Variants in SLC1A2 observed in about 807,000 individuals in gnomAD.
SLC1A2 encodes excitatory amino acid transporter 2.
SLC1A2 carries 15 observed loss-of-function variants against 48.8 expected under a neutral mutation model. The ratio of observed to expected loss-of-function variants is 0.31; its 90% CI spans 0.21 to 0.47. The LOEUF is 0.47. Among genes scored for constraint, SLC1A2 ranks in the 20% least tolerant of loss-of-function variants. SLC1A2 has a pLI of 0.99. For synonymous variants in SLC1A2, 279 were observed against 272.6 expected, an observed-to-expected ratio of 1.02 and a Z score of -0.23; for missense variants, 502 against 730.5, an observed-to-expected ratio of 0.69 and a Z score of 3.61.
chr11:35,348,227 CT>C (rs1337490962), intron 1 of SLC1A2, among the ~76,000 whole-genome samples: 1 of 152,136 alleles, frequency 6.6e-6, no homozygotes, highest in Non-Finnish European at 1.5e-5. Flanking sequence ...CCTGGGCCAT[CT>C]GTTTTTAATA....
At position 35,254,828 on chromosome 11, in the gene SLC1A2, A is replaced by G; in HGVS notation, c.*6066T>C. Reference sequence around the variant, plus strand: ...AGGGCCCTGTGTAAAAACCAGAAGGATTTTGTAAAATATCAAAATGAATAT... The same window carrying G: ...AGGGCCCTGTGTAAAAACCAGAAGGGTTTTGTAAAATATCAAAATGAATAT... On this transcript the variant is annotated 3_prime_UTR_variant, in exon 11 of 11. Coordinates refer to ENST00000278379, the MANE Select transcript of SLC1A2 (RefSeq NM_004171.4). 1 of 455,484 alleles carries G rather than the reference A, an allele frequency of 2.2e-6. No homozygotes were observed. Among genetic ancestry groups the G allele is most frequent in the Non-Finnish European group, 4.4e-6 (1 of 226,748 alleles). 28.2% of individuals were successfully genotyped at this position (455,484 alleles called of 1,614,324 possible). A position where few individuals can be genotyped will look rare whatever the true frequency, so the allele number is the denominator to read the frequency against.
chr11:35,302,943 C>T (rs1851397327), intron 5 of SLC1A2, among the ~76,000 whole-genome samples: 1 of 150,552 alleles, frequency 6.6e-6, no homozygotes, highest in Admixed American at 6.6e-5. Flanking sequence ...ATCAGTGTTG[C>T]TATGTCCTTG....
chr11:35,364,167 T>A (rs1460826862), intron 1 of SLC1A2, among the ~76,000 whole-genome samples: 1 of 152,156 alleles, frequency 6.6e-6, no homozygotes, highest in East Asian at 1.9e-4. Context: ...GGAGGTGGTG[T>A]CCAGGAGCTG....
intron 1 of SLC1A2, among the ~76,000 whole-genome samples, chr11:35,364,425 T>A (rs955727568): frequency 6.6e-6 from 1 of 152,184 alleles, no homozygotes; most frequent in Non-Finnish European, 1.5e-5. Flanking sequence ...GGGGCCTCAG[T>A]CAATAGTAAG....
At position 35,327,444 on chromosome 11, in the gene SLC1A2, C is replaced by T. The variant is rs552328866; in HGVS notation, c.18-9928G>A. 5.9e-5 allele frequency among the ~76,000 whole-genome samples: 9 copies of T among 152,238 alleles called. No homozygotes were observed. In the East Asian group the frequency reaches 1.5e-3, roughly 26 times the overall value. ...ATCTCCTTCAGATGAGGCAAAACAG[C>T]GGGGCCTTAAGGTAGTCCAGGTTAT... On this transcript the variant is annotated intron_variant, in intron 1 of 10. Coordinates refer to ENST00000278379, the MANE Select transcript of SLC1A2 (RefSeq NM_004171.4).
At chr11:35,351,417 G>A (rs1853247168) in intron 1 of SLC1A2, among the ~76,000 whole-genome samples, 1 of 152,132 alleles carries the variant, frequency 6.6e-6, no homozygotes. Flanking sequence ...CCAGACCAGA[G>A]CACTTTCCTA....
At chr11:35,268,359 A>C (rs1335903822) in intron 9 of SLC1A2, among the ~76,000 whole-genome samples, 2 of 152,174 alleles carry the variant, frequency 1.3e-5, no homozygotes, top group African/African-American at 4.8e-5. Flanking sequence ...AGTTAAATTT[A>C]TATCACACTT....
At chr11:35,290,256 T>C (rs1850953814) in intron 7 of SLC1A2, among the ~76,000 whole-genome samples, 1 of 152,216 alleles carries the variant, frequency 6.6e-6, no homozygotes, top group Non-Finnish European at 1.5e-5. Context: ...GAGATGTATT[T>C]GTAAGGATGT....
In SLC1A2 at chr11:35,260,896, A is replaced by G; in HGVS notation, c.1723T>C (p.Ter575GlnextTer10). 6.2e-7 allele frequency: 1 copy of G among 1,610,002 alleles called. No homozygotes were observed. The highest frequency in any genetic ancestry group is 1.1e-5 in the South Asian group (1 of 90,980). The change falls in exon 11 of 11, where the codon TAA (stop) becomes CAA (glutamine). Residue 575 changes from the stop codon to glutamine, a stop_lost. Transcript: ENST00000278379. ...VEEEPWKREK[*>Q] ...AGAATTTGCTGAGACTCATATCCTT[A>G]TTTCTCACGTTTCCAAGGTTCTTCC...
intron 1 of SLC1A2, among the ~76,000 whole-genome samples, chr11:35,319,516 T>C: frequency 6.6e-6 from 1 of 152,222 alleles, no homozygotes; most frequent in East Asian, 1.9e-4. Context: ...CCTCCTGCCA[T>C]TGAAATGAGA....
At chr11:35,375,066 T>G (rs1854181922) in intron 1 of SLC1A2, among the ~76,000 whole-genome samples, 1 of 152,232 alleles carries the variant, frequency 6.6e-6, no homozygotes, top group African/African-American at 2.4e-5. Flanking sequence ...AAACCGCAGT[T>G]TTCAAGAACC....
At chr11:35,418,128 C>T (rs1489660705) in intron 1 of SLC1A2, among the ~76,000 whole-genome samples, 5 of 152,306 alleles carry the variant, frequency 3.3e-5, no homozygotes, top group South Asian at 4.1e-4. Flanking sequence ...TGGACCTTTC[C>T]TTTGATGTGT....
chr11:35,418,776 C>A, intron 1 of SLC1A2, 174 bp downstream of exon 1: 2 of 606,050 alleles, frequency 3.3e-6, no homozygotes, highest in South Asian at 1.9e-5. Context: ...AAGCAGCAAT[C>A]TCCAGGAAAG....
At chr11:35,355,236 T>C (rs1365899210) in intron 1 of SLC1A2, among the ~76,000 whole-genome samples, 3 of 152,132 alleles carry the variant, frequency 2.0e-5, no homozygotes, top group Non-Finnish European at 4.4e-5. Context: ...GAGTTTACTC[T>C]CAGGATGAAA....
intron 1 of SLC1A2, chr11:35,374,401 TC>T: frequency 1.8e-6 from 1 of 552,902 alleles, no homozygotes; most frequent in Non-Finnish European, 3.3e-6. Context: ...CTAGATCTGG[TC>T]ACCTGTCTGG....
At chr11:35,323,102 C>T (rs748498973) in intron 1 of SLC1A2, 30 of 307,204 alleles carry the variant, frequency 9.8e-5, no homozygotes, top group Non-Finnish European at 1.7e-4. Flanking sequence ...TGTGTCTTCA[C>T]AGCGTTCATT....
rs1191316328 is a variant in SLC1A2, at chr11:35,307,119, G to A, written c.562-877C>T. The A allele has an allele frequency of 2.0e-5, 3 of 152,218 alleles. No homozygotes were observed. In the East Asian group the frequency reaches 5.8e-4, roughly 29 times the overall value. The allele number at this position is 152,218 out of a possible 1,614,324, so 9.4% of individuals were successfully genotyped here. Reference sequence around the variant, plus strand: ...TGGTTAAGAATAGGAAGCCTTGGCAGGGGTCAGATCAGCAACTCATGATCC... The same window carrying A: ...TGGTTAAGAATAGGAAGCCTTGGCAAGGGTCAGATCAGCAACTCATGATCC... On this transcript the variant is annotated intron_variant, in intron 4 of 10. Coordinates refer to ENST00000278379, the MANE Select transcript of SLC1A2 (RefSeq NM_004171.4).
intron 1 of SLC1A2, among the ~76,000 whole-genome samples, chr11:35,384,857 G>T (rs532117373): frequency 1.3e-5 from 2 of 152,326 alleles, no homozygotes; most frequent in Non-Finnish European, 2.9e-5. Flanking sequence ...GTGACAGTAA[G>T]TAAGATGCTA....
intron 7 of SLC1A2, among the ~76,000 whole-genome samples, chr11:35,289,257 G>A (rs111297881): frequency 6.6e-5 from 10 of 151,962 alleles, no homozygotes; most frequent in African/African-American, 1.4e-4. Flanking sequence ...TACAAGGGCC[G>A]AGGAGGCAGG....
Sources: gnomAD v4.1 joint callset for allele counts (sites outside exome capture counted in the v4.1 genomes callset) on GRCh38, gnomAD v4.1.1 for gene constraint, MANE v1.5 for transcripts, NCBI Gene and HGNC (gene_info 2026-07-23, HGNC 2026-07-21) for gene names.